The following RDX variants were observed in gnomAD, a reference collection of about 807,000 sequenced individuals.
The protein encoded by RDX is deafness, autosomal recessive 24.
RDX carries 32 observed loss-of-function variants against 83.7 expected under a neutral mutation model. The observed-to-expected ratio is 0.38, with a 90% CI of 0.29 to 0.51. The LOEUF is 0.51. Ranked by LOEUF, RDX falls within the 20% of genes least tolerant of loss-of-function variation. The pLI is 0.87. For missense variants in RDX, 600 were observed against 689.9 expected, an observed-to-expected ratio of 0.87 and a Z score of 1.46; for synonymous variants, 229 against 222.7, an observed-to-expected ratio of 1.03 and a Z score of -0.25.
At chr11:110,205,101 G>A (rs1863554513) in intron 14 of RDX, among the ~76,000 whole-genome samples, 1 of 151,996 alleles carries the variant, frequency 6.6e-6, no homozygotes, top group Non-Finnish European at 1.5e-5. Flanking sequence ...CAGAACAGAG[G>A]AAGAAATATG....
chr11:110,275,414 C>T (rs922856857), intron 2 of RDX, among the ~76,000 whole-genome samples: 2 of 152,114 alleles, frequency 1.3e-5, no homozygotes, highest in African/African-American at 4.8e-5. Context: ...CACATCATCC[C>T]AGATTTCTAA....
Position 110,233,496 on chromosome 11 carries a change from C to T in RDX, c.1345-17G>A, listed in dbSNP as rs201311777. ...TGCAAAAGCCTGAACATTAAAAATA[C>T]GTTTATGAGCAACTTACTTCAAAAA... On this transcript the variant is annotated splice_polypyrimidine_tract_variant and intron_variant, in intron 12 of 13. Transcript: ENST00000645495. 45 of 1,613,504 alleles carry T rather than the reference C, an allele frequency of 2.8e-5. No individual in the cohort carries two copies. Among genetic ancestry groups the T allele is most frequent in the East Asian group, 6.7e-5 (3 of 44,860 alleles).
intron 4 of RDX, 46 bp from the exon 5 acceptor site, chr11:110,264,280 C>A: frequency 7.4e-7 from 1 of 1,342,870 alleles, no homozygotes. Context: ...CTTAAGTTTA[C>A]AATAATTAGA....
In RDX at chr11:110,233,287, C is replaced by T. The variant is rs894093123; in HGVS notation, c.1537G>A (p.Glu513Lys). ...EGVMNHRSEE[E>K]RVTETQKNER... ...TTTTTCTGTGTTTCGGTTACACGTTCTTCCTCGCTTCTATGGTTCATTACC... is the reference window on the plus strand; with the variant it reads ...TTTTTCTGTGTTTCGGTTACACGTTTTTCCTCGCTTCTATGGTTCATTACC... The change falls in exon 13 of 14, where the codon GAA (glutamate) becomes AAA (lysine). Residue 513 changes from glutamate (E) to lysine (K), a missense_variant. Coordinates refer to ENST00000645495, the MANE Select transcript of RDX (RefSeq NM_002906.4). 1.2e-6 allele frequency: 2 copies of T among 1,613,950 alleles called. No individual in the cohort carries two copies. Among genetic ancestry groups the T allele is most frequent in the African/African-American group, 2.7e-5 (2 of 74,926 alleles).
At chr11:110,235,919 C>A (rs907401678) in intron 12 of RDX, among the ~76,000 whole-genome samples, 180 bp downstream of exon 12, 8 of 152,210 alleles carry the variant, frequency 5.3e-5, no homozygotes, top group Non-Finnish European at 1.2e-4. Flanking sequence ...AATTAATCAC[C>A]TCTTCTGTGT....
intron 3 of RDX, among the ~76,000 whole-genome samples, chr11:110,267,315 C>A (rs1467101462): frequency 6.6e-6 from 1 of 151,974 alleles, no homozygotes. Context: ...GAGTTCAAGA[C>A]CAGCCTGGTC....
rs528601645 is a variant in RDX, at chr11:110,179,903, C to CTTTTTTTTT, written c.*32-4678_*32-4670dup. 6.3e-4 allele frequency: 228 copies of CTTTTTTTTT among 364,476 alleles called. 1 individual carries two copies. The highest frequency in any genetic ancestry group is 8.8e-4 in the East Asian group (11 of 12,518). 22.6% of individuals were successfully genotyped at this position (364,476 alleles called of 1,614,324 possible). A position where few individuals can be genotyped will look rare whatever the true frequency, so the allele number is the denominator to read the frequency against. On this transcript the variant is annotated intron_variant, in intron 15 of 15. Coordinates refer to the RDX transcript ENST00000528498. ...CTTTTTCTTTTTCTTTTTCTTTTTT[C>CTTTTTTTTT]TTTTTTTTTTTTTTTTGAGACAGAG...
At chr11:110,245,569 T>C (rs1395154533) in intron 10 of RDX, among the ~76,000 whole-genome samples, 2 of 152,214 alleles carry the variant, frequency 1.3e-5, no homozygotes, top group Non-Finnish European at 2.9e-5. Flanking sequence ...TCTAGGTTAA[T>C]GACAGAAGTA....
At chr11:110,287,731 C>A (rs1472853440) in intron 1 of RDX, among the ~76,000 whole-genome samples, 1 of 152,200 alleles carries the variant, frequency 6.6e-6, no homozygotes, top group Non-Finnish European at 1.5e-5. Context: ...TCTGCCTACA[C>A]TTCCTATCTT....
intron 15 of RDX, among the ~76,000 whole-genome samples, chr11:110,195,265 G>C (rs1433572090): frequency 6.6e-6 from 1 of 152,116 alleles, no homozygotes; most frequent in Non-Finnish European, 1.5e-5. Flanking sequence ...TGCCCAGCCA[G>C]AGTGACTGTT....
rs11421586 is a variant in RDX at position 110,258,867 on chromosome 11, CTTTTTTTTTT to C, written c.468-688_468-679del. Among the ~76,000 whole-genome samples, 5 of 94,612 alleles carry C rather than the reference CTTTTTTTTTT, an allele frequency of 5.3e-5. No individual in the cohort carries two copies. In the South Asian group the frequency reaches 1.1e-3, roughly 20 times the overall value. 62.1% of individuals were successfully genotyped at this position (94,612 alleles called of 152,430 possible). On this transcript the variant is annotated intron_variant, in intron 5 of 13. Transcript: ENST00000645495. ...TAATTCAAATGTGAGCAAATACATT[CTTTTTTTTTT>C]TTTTTTTTTTTTGAGATGGAGTCTC...
At chr11:110,202,513 G>T (rs1179480288) in intron 14 of RDX, among the ~76,000 whole-genome samples, 1 of 152,004 alleles carries the variant, frequency 6.6e-6, no homozygotes, top group Non-Finnish European at 1.5e-5. Flanking sequence ...CAACATCCCA[G>T]GCACAAGCAA....
chr11:110,277,492 G>A (rs1280171604), intron 2 of RDX, among the ~76,000 whole-genome samples: 1 of 151,948 alleles, frequency 6.6e-6, no homozygotes, highest in Non-Finnish European at 1.5e-5. Context: ...GCTAATTTTT[G>A]TACTTTCAGT....
At position 110,273,171 on chromosome 11, in the gene RDX, C is replaced by T. The variant is rs921101809; in HGVS notation, c.13-552G>A. The stretch of plus-strand genomic sequence containing the variant: ...AGGGCTGCCGTGAGCTATGATTGTA[C>T]TACTGAACTTCAGCCTGCACAACAG... On this transcript the variant is annotated intron_variant, in intron 2 of 13. Coordinates refer to ENST00000645495, the MANE Select transcript of RDX (RefSeq NM_002906.4). 3 of 446,102 alleles carry T rather than the reference C, an allele frequency of 6.7e-6. No individual in the cohort carries two copies. In the Admixed American group the frequency reaches 7.2e-5, roughly 11 times the overall value. 27.6% of individuals were successfully genotyped at this position (446,102 alleles called of 1,614,324 possible).
chr11:110,244,845 T>C (rs1306550664), intron 10 of RDX, among the ~76,000 whole-genome samples: 1 of 152,128 alleles, frequency 6.6e-6, no homozygotes, highest in African/African-American at 2.4e-5. Flanking sequence ...AAAAGGAGAC[T>C]GTGTGAGGGC....
intron 7 of RDX, among the ~76,000 whole-genome samples, chr11:110,257,164 T>C (rs1321067140): frequency 1.3e-5 from 2 of 151,182 alleles, no homozygotes; most frequent in Non-Finnish European, 3.0e-5. Flanking sequence ...TATGTAAATA[T>C]ACATATATTA....
intron 7 of RDX, among the ~76,000 whole-genome samples, chr11:110,255,778 A>G (rs1015207162): frequency 6.6e-6 from 1 of 152,148 alleles, no homozygotes; most frequent in Non-Finnish European, 1.5e-5. Context: ...AGGCCTTTAT[A>G]ACTTCTCATG....
intron 15 of RDX, chr11:110,185,672 C>G (rs186682697): frequency 6.6e-6 from 1 of 152,338 alleles, no homozygotes; most frequent in African/African-American, 2.4e-5. Context: ...GCTGTCAGAC[C>G]ACCTTCATCC....
chr11:110,252,976 A>G (rs550759373), intron 9 of RDX, among the ~76,000 whole-genome samples: 2 of 152,300 alleles, frequency 1.3e-5, no homozygotes, highest in South Asian at 4.1e-4. Flanking sequence ...ATTACTGACA[A>G]GCTTCAAACC....
Sources: allele counts gnomAD v4.1 joint callset (sites outside exome capture counted in the v4.1 genomes callset), GRCh38; gene constraint gnomAD v4.1.1; transcripts MANE v1.5; gene names NCBI Gene and HGNC (gene_info 2026-07-23, HGNC 2026-07-21).